AMPH: variants seen among roughly 807,000 people sequenced by gnomAD.
AMPH encodes the protein amphiphysin (Stiff-Mann syndrome with breast cancer 128kD autoantigen).
In AMPH, 49 loss-of-function variants were observed where a neutral mutation model predicts 99.1. The ratio of observed to expected loss-of-function variants is 0.49; its 90% confidence interval spans 0.39 to 0.63. The LOEUF is 0.63. AMPH is among the 20% of genes least tolerant of loss of function. The pLI, the probability that AMPH is intolerant of heterozygous loss-of-function variation, is 0.00. For synonymous variants in AMPH, 314 were observed against 317.3 expected, an observed-to-expected ratio of 0.99 and a Z score of 0.11; for missense variants, 759 against 863.4, an observed-to-expected ratio of 0.88 and a Z score of 1.52.
chr7:38,489,270 T>G (rs758209219), intron 5 of AMPH, among the ~76,000 whole-genome samples: 3 of 152,062 alleles, frequency 2.0e-5, no homozygotes, highest in Non-Finnish European at 4.4e-5. Flanking sequence ...TAAATGGTGC[T>G]GGGAAAACTG....
intron 15 of AMPH, among the ~76,000 whole-genome samples, chr7:38,424,065 T>G (rs752993932): frequency 4.6e-5 from 7 of 152,172 alleles, no homozygotes; most frequent in Admixed American, 2.6e-4. Context: ...AGACTTGAAC[T>G]TCACAGACAG....
At chr7:38,628,041 TAA>T (rs1349262426) in intron 1 of AMPH, among the ~76,000 whole-genome samples, 1 of 152,040 alleles carries the variant, frequency 6.6e-6, no homozygotes, top group Non-Finnish European at 1.5e-5. Context: ...CCAAACAATT[TAA>T]AAGTAAATAG....
intron 5 of AMPH, among the ~76,000 whole-genome samples, chr7:38,480,208 T>C (rs1040846565): frequency 6.6e-6 from 1 of 152,110 alleles, no homozygotes; most frequent in African/African-American, 2.4e-5. Flanking sequence ...TAACCTCTAA[T>C]TTGTCCGAAA....
intron 1 of AMPH, among the ~76,000 whole-genome samples, chr7:38,604,474 A>G (rs1562856464): frequency 6.6e-6 from 1 of 152,212 alleles, no homozygotes; most frequent in Admixed American, 6.5e-5. Flanking sequence ...AAGAATGAGG[A>G]CGAGCACACA....
At chr7:38,541,464 G>T (rs896049138) in intron 1 of AMPH, among the ~76,000 whole-genome samples, 1 of 152,124 alleles carries the variant, frequency 6.6e-6, no homozygotes, top group Admixed American at 6.5e-5. Context: ...TGCATCCTTC[G>T]GTGTGGTTCA....
intron 1 of AMPH, among the ~76,000 whole-genome samples, chr7:38,548,094 T>A (rs1791054556): frequency 6.7e-6 from 1 of 150,318 alleles, no homozygotes; most frequent in Non-Finnish European, 1.5e-5. Flanking sequence ...AGTGGTGCGA[T>A]CTCCGCTCAC....
intron 17 of AMPH, among the ~76,000 whole-genome samples, chr7:38,395,404 T>A (rs1198733334): frequency 6.6e-6 from 1 of 152,238 alleles, no homozygotes; most frequent in African/African-American, 2.4e-5. Context: ...AAGTCAGAAT[T>A]TTCTTTCTAA....
intron 3 of AMPH, among the ~76,000 whole-genome samples, chr7:38,502,874 G>A (rs993716269): frequency 2.0e-5 from 3 of 152,222 alleles, no homozygotes; most frequent in East Asian, 1.9e-4. Flanking sequence ...GGAGTAAAGC[G>A]TGAGGTTGAG....
At chr7:38,479,582 T>C (rs964413072) in intron 5 of AMPH, among the ~76,000 whole-genome samples, 2 of 152,026 alleles carry the variant, frequency 1.3e-5, no homozygotes, top group Admixed American at 6.6e-5. Flanking sequence ...GTTTATAACA[T>C]GTAAAAGAAA....
chr7:38,491,744 G>A (rs184147699), intron 4 of AMPH, among the ~76,000 whole-genome samples: 1 of 152,316 alleles, frequency 6.6e-6, no homozygotes, highest in Non-Finnish European at 1.5e-5. Context: ...CCACAATACA[G>A]AAGAGGACAC....
intron 1 of AMPH, among the ~76,000 whole-genome samples, chr7:38,628,218 A>T (rs1032666320): frequency 6.6e-5 from 10 of 152,352 alleles, no homozygotes; most frequent in African/African-American, 2.4e-4. Flanking sequence ...AAACAAATGA[A>T]ATTAATCATG....
At chr7:38,410,270 C>T (rs1188880644) in intron 17 of AMPH, among the ~76,000 whole-genome samples, 1 of 152,204 alleles carries the variant, frequency 6.6e-6, no homozygotes, top group East Asian at 1.9e-4. Context: ...CAGTGATCTG[C>T]AAATCACCTG....
chr7:38,554,326 T>A (rs925944845), intron 1 of AMPH, among the ~76,000 whole-genome samples: 1 of 152,214 alleles, frequency 6.6e-6, no homozygotes. Context: ...CTCAGAAGAA[T>A]TCACAATCAT....
At chr7:38,621,437 C>A (rs896083278) in intron 1 of AMPH, among the ~76,000 whole-genome samples, 1 of 152,068 alleles carries the variant, frequency 6.6e-6, no homozygotes, top group Admixed American at 6.6e-5. Flanking sequence ...CAATAAATGG[C>A]TCTAAATAAA....
At chr7:38,437,639 A>AAAAAAAAG (rs765494380) in intron 11 of AMPH, among the ~76,000 whole-genome samples, 2 of 96,740 alleles carry the variant, frequency 2.1e-5, no homozygotes, top group African/African-American at 9.0e-5. Context: ...AAAAAAAAAA[A>AAAAAAAAG]AAAAGAAAAG....
intron 6 of AMPH, among the ~76,000 whole-genome samples, chr7:38,476,642 A>G (rs997284014): frequency 1.3e-5 from 2 of 152,172 alleles, no homozygotes; most frequent in African/African-American, 2.4e-5. Flanking sequence ...GTCAAAGTTT[A>G]TTCTGATCAA....
chr7:38,430,321 A>G (rs1444036236), intron 13 of AMPH, among the ~76,000 whole-genome samples: 1 of 152,198 alleles, frequency 6.6e-6, no homozygotes, highest in Non-Finnish European at 1.5e-5. Context: ...GTTTAGATGG[A>G]GAATGGTCTG....
At chr7:38,493,211 T>G (rs1415936996) in intron 4 of AMPH, among the ~76,000 whole-genome samples, 2 of 152,184 alleles carry the variant, frequency 1.3e-5, no homozygotes, top group Non-Finnish European at 2.9e-5. Flanking sequence ...GCATCACCTA[T>G]CAGACCTTCC....
chr7:38,594,112 C>A (rs1255763938), intron 1 of AMPH, among the ~76,000 whole-genome samples: 1 of 152,066 alleles, frequency 6.6e-6, no homozygotes, highest in Non-Finnish European at 1.5e-5. Context: ...GCTGGGAGAC[C>A]AGTTCCATAA....
Sources: allele counts gnomAD v4.1 joint callset (sites outside exome capture counted in the v4.1 genomes callset), GRCh38; gene constraint gnomAD v4.1.1; transcripts MANE v1.5; gene names NCBI Gene and HGNC (gene_info 2026-07-23, HGNC 2026-07-21).